MLC1: variants seen among roughly 807,000 people sequenced by gnomAD.
MLC1 encodes the protein membrane protein MLC1.
In MLC1, 32 loss-of-function variants were observed where a neutral mutation model predicts 44.7. That is an observed-to-expected ratio of 0.72 (90% CI 0.54 to 0.96). The LOEUF (loss-of-function observed/expected upper bound fraction) is 0.96, where lower values mean the gene tolerates loss of function less well. Ranked by LOEUF, MLC1 falls within the 40% of genes least tolerant of loss-of-function variation. MLC1 has a pLI of 0.00. For synonymous variants in MLC1, 190 were observed against 213.0 expected, an observed-to-expected ratio of 0.89 and a Z score of 0.94; for missense variants, 459 against 492.2, an observed-to-expected ratio of 0.93 and a Z score of 0.64.
At chr22:50,081,008 A>AAAAAGAAAGAAAGAAAGAAAG (rs2062109599) in intron 3 of MLC1, among the ~76,000 whole-genome samples, 10 of 147,388 alleles carry the variant, frequency 6.8e-5, no homozygotes, top group African/African-American at 2.6e-4. Flanking sequence ...CTTGTCTCAA[A>AAAAAGAAAGAAAGAAAGAAAG]AAAAGAAAGA....
At chr22:50,063,238 G>C (rs1051473338) in intron 11 of MLC1, among the ~76,000 whole-genome samples, 1 of 152,082 alleles carries the variant, frequency 6.6e-6, no homozygotes, top group African/African-American at 2.4e-5. Flanking sequence ...ACTTTGGGAG[G>C]CCAAGGCAGG....
At position 50,064,199 on chromosome 22, in the gene MLC1, C is replaced by T. The variant is rs755271052; in HGVS notation, c.895-1G>A. On this transcript the variant is annotated splice_acceptor_variant, in intron 10 of 11. Coordinates refer to ENST00000311597, the MANE Select transcript of MLC1 (RefSeq NM_015166.4). LOFTEE classifies it high-confidence loss of function. ...GCAGCAGCAGCACATCGTAGGATGG[C>T]TGCAGGCGGAAGGAGGTGTGAGCAG... The T allele has an allele frequency of 1.3e-6, 2 of 1,593,506 alleles. No homozygotes were observed. The highest frequency in any genetic ancestry group is 8.5e-7 in the Non-Finnish European group (1 of 1,176,026).
intron 9 of MLC1, 115 bp downstream of exon 9, chr22:50,070,412 A>T: frequency 9.6e-7 from 1 of 1,038,388 alleles, no homozygotes. Flanking sequence ...CCTGCAGCCC[A>T]GTCACTGCGC....
rs950719239 is a variant in MLC1 at position 50,077,323 on chromosome 22, G to A, written c.525+78C>T. ...CAGCCCAGATCGGCCCTCCGAGGGTGACGCTGAGACCCACCTCGCTCACCC... is the reference window on the plus strand; with the variant it reads ...CAGCCCAGATCGGCCCTCCGAGGGTAACGCTGAGACCCACCTCGCTCACCC... On this transcript the variant is annotated intron_variant, in intron 6 of 11. Coordinates refer to ENST00000311597, the MANE Select transcript of MLC1 (RefSeq NM_015166.4). The A allele has an allele frequency of 2.3e-6, 3 of 1,303,062 alleles. No homozygotes were observed. In the African/African-American group the frequency reaches 4.4e-5, roughly 19 times the overall value. The allele number at this position is 1,303,062 out of a possible 1,614,324, so 80.7% of individuals were successfully genotyped here. A position where few individuals can be genotyped will look rare whatever the true frequency, so the allele number is the denominator to read the frequency against.
intron 10 of MLC1, among the ~76,000 whole-genome samples, chr22:50,066,379 G>T (rs1343692611): frequency 6.6e-6 from 1 of 152,120 alleles, no homozygotes; most frequent in Non-Finnish European, 1.5e-5. Context: ...GAGGTATATG[G>T]CTGGGCACGG....
rs982387092 is a variant in MLC1, at chr22:50,059,491, G to A, written c.*2092C>T. The A allele has an allele frequency of 2.0e-5, 3 of 152,318 alleles. No homozygotes were observed. Among genetic ancestry groups the A allele is most frequent in the Non-Finnish European group, 2.9e-5 (2 of 68,044 alleles). 9.4% of individuals were successfully genotyped at this position (152,318 alleles called of 1,614,324 possible). A position where few individuals can be genotyped will look rare whatever the true frequency, so the allele number is the denominator to read the frequency against. On this transcript the variant is annotated 3_prime_UTR_variant, in exon 12 of 12. Transcript: ENST00000311597. ...CCCCATTTTTCCGGATTTTTTAAGC[G>A]CTCTAAAATAAGAAAATAAGAAAGT... is the stretch of plus-strand genomic sequence containing the variant.
chr22:50,085,303 G>A lies in MLC1; in HGVS notation c.-60+52C>T, dbSNP rs557391823. 1.2e-4 allele frequency: 95 copies of A among 781,136 alleles called. 1 individual carries two copies. Among genetic ancestry groups the A allele is most frequent in the African/African-American group, 8.3e-4 (46 of 55,192 alleles). The allele number at this position is 781,136 out of a possible 1,614,324, so 48.4% of individuals were successfully genotyped here. On this transcript the variant is annotated intron_variant, in intron 1 of 11. Transcript: ENST00000311597. ...AAACTGCTCCAATTGGTAGCTAAACGAGAGATTGCAAAACATGCCTCTACT... is the reference window on the plus strand; with the variant it reads ...AAACTGCTCCAATTGGTAGCTAAACAAGAGATTGCAAAACATGCCTCTACT...
At chr22:50,064,798 A>G (rs567437510) in intron 10 of MLC1, among the ~76,000 whole-genome samples, 2 of 152,334 alleles carry the variant, frequency 1.3e-5, no homozygotes, top group East Asian at 3.9e-4. Flanking sequence ...GCCCATGGAT[A>G]GCTTTCCCGT....
rs541126824 is a variant in MLC1, at chr22:50,082,798, G to A, written c.267+286C>T. 7.2e-5 allele frequency among the ~76,000 whole-genome samples: 11 copies of A among 152,212 alleles called. No homozygotes were observed. In the East Asian group the frequency reaches 1.5e-3, roughly 21 times the overall value. ...TCCTGCCTCAGCCTCCTGAGTAGCTGGGAGTACAGGCACCCACCACCGCGC... is the reference window on the plus strand; with the variant it reads ...TCCTGCCTCAGCCTCCTGAGTAGCTAGGAGTACAGGCACCCACCACCGCGC... On this transcript the variant is annotated intron_variant, in intron 3 of 11. Transcript: ENST00000311597.
chr22:50,085,422 C>G lies in MLC1; in HGVS notation c.-127G>C, dbSNP rs1193506173. ...AGGGACTTCCAGCAAGAAGTATTCA[C>G]AAATGAAACAAAAGCTCAGCAAACT... On this transcript the variant is annotated 5_prime_UTR_variant, in exon 1 of 12. Transcript: ENST00000311597. 1.1e-5 allele frequency: 2 copies of G among 181,074 alleles called. No individual in the cohort carries two copies. Among genetic ancestry groups the G allele is most frequent in the Non-Finnish European group, 2.4e-5 (2 of 84,452 alleles). 11.2% of individuals were successfully genotyped at this position (181,074 alleles called of 1,614,324 possible). A position where few individuals can be genotyped will look rare whatever the true frequency, so the allele number is the denominator to read the frequency against.
At chr22:50,077,322 TGACGCTGA>T (rs1326106604) in intron 6 of MLC1, 71 bp downstream of exon 6, 1 of 1,291,738 alleles carries the variant, frequency 7.7e-7, no homozygotes, top group African/African-American at 1.5e-5. Flanking sequence ...CCTCCGAGGG[TGACGCTGA>T]GACCCACCTC....
rs886798459 is a variant in MLC1 at position 50,083,924 on chromosome 22, G to A, written c.178-751C>T. Among the ~76,000 whole-genome samples the A allele has an allele frequency of 2.6e-5, 4 of 152,082 alleles. No individual in the cohort carries two copies. Among genetic ancestry groups the A allele is most frequent in the East Asian group, 1.9e-4 (1 of 5,166 alleles). ...AGCCCGGAGATGGCCACCACCACCC[G>A]GGAGCCGCCTCTGTCCCCAGCTCCG... On this transcript the variant is annotated intron_variant, in intron 2 of 11. Transcript: ENST00000311597. The surrounding 1 kb of genome is among the most constrained non-coding windows in gnomAD (Gnocchi z 4.6).
intron 2 of MLC1, among the ~76,000 whole-genome samples, chr22:50,084,125 T>C (rs1225020278): frequency 6.6e-6 from 1 of 152,192 alleles, no homozygotes. Flanking sequence ...TAGAGGCCTG[T>C]CCTGCAGCAT....
chr22:50,077,583 C>G, intron 5 of MLC1, 81 bp from the exon 6 acceptor site: 1 of 1,177,196 alleles, frequency 8.5e-7, no homozygotes, highest in Non-Finnish European at 1.3e-6. Flanking sequence ...GACCACCTCA[C>G]GGGCAGGCTG....
chr22:50,061,279 G>T lies in MLC1; in HGVS notation c.*304C>A. 1 of 468,230 alleles carries T rather than the reference G, an allele frequency of 2.1e-6. No individual in the cohort carries two copies. The highest frequency in any genetic ancestry group is 3.9e-6 in the Non-Finnish European group (1 of 253,676). The allele number at this position is 468,230 out of a possible 1,614,324, so 29.0% of individuals were successfully genotyped here. A position where few individuals can be genotyped will look rare whatever the true frequency, so the allele number is the denominator to read the frequency against. ...AAGAGGAGCTGGGGCCAGTTCAGGG[G>T]TGGGGCTCTCAAGAGGCCGAGCCGG... On this transcript the variant is annotated 3_prime_UTR_variant, in exon 12 of 12. Coordinates refer to ENST00000311597, the MANE Select transcript of MLC1 (RefSeq NM_015166.4).
At chr22:50,082,552 A>G (rs1346519642) in intron 3 of MLC1, among the ~76,000 whole-genome samples, 2 of 152,268 alleles carry the variant, frequency 1.3e-5, no homozygotes, top group Non-Finnish European at 2.9e-5. Flanking sequence ...TCAACACGCA[A>G]TTCCCTGCAC....
intron 7 of MLC1, chr22:50,074,787 C>T (rs138735328): frequency 4.8e-4 from 106 of 222,694 alleles, no homozygotes; most frequent in Non-Finnish European, 7.1e-4. Context: ...GCCATTGCCA[C>T]GGCAACACTG....
chr22:50,061,564 CG>C lies in MLC1; in HGVS notation c.*18del. The C allele has an allele frequency of 6.2e-7, 1 of 1,612,678 alleles. No individual in the cohort carries two copies. ...TGGGGCCAGGCTGGGCGCTGCCACC[CG>C]GTTTCCGCGTCTGGGGGTCACTGGG... On this transcript the variant is annotated 3_prime_UTR_variant, in exon 12 of 12. Transcript: ENST00000311597.
At chr22:50,063,652 T>G (rs1399388656) in intron 11 of MLC1, among the ~76,000 whole-genome samples, 4 of 107,920 alleles carry the variant, frequency 3.7e-5, no homozygotes, top group African/African-American at 1.5e-4. Flanking sequence ...CGGGTGCTCC[T>G]GTGGGCCACT....
Sources: gnomAD v4.1 joint callset for allele counts (sites outside exome capture counted in the v4.1 genomes callset) on GRCh38, gnomAD v4.1.1 for gene constraint, Gnocchi (gnomAD v3.1) non-coding constraint, MANE v1.5 for transcripts, NCBI Gene and HGNC (gene_info 2026-07-23, HGNC 2026-07-21) for gene names.